The following PUDP variants were observed in gnomAD, a reference collection of about 807,000 sequenced individuals.
PUDP encodes pseudouridine-5'-phosphatase.
PUDP carries 8 observed loss-of-function variants against 9.4 expected under a neutral mutation model. That is an observed-to-expected ratio of 0.85 (90% CI 0.50 to 1.53). PUDP has a LOEUF of 1.53. PUDP is among the 40% of genes most tolerant of loss of function. PUDP has a pLI of 0.00. For missense variants in PUDP, 188 were observed against 189.7 expected (o/e 0.99, Z 0.05); for synonymous variants, 99 against 80.7 (o/e 1.23, Z -1.22).
intron 3 of PUDP, among the ~76,000 whole-genome samples, chrX:6,945,820 A>C: frequency 9.0e-6 from 1 of 111,586 alleles, no homozygotes; most frequent in Non-Finnish European, 1.9e-5. Flanking sequence ...TGAATATCGT[A>C]AACTAAAAAT....
In PUDP at chrX:6,948,431, C is replaced by T. The variant is rs190125182; in HGVS notation, c.*247+28702G>A. The stretch of plus-strand genomic sequence containing the variant: ...CTCTTTTGCTCGCTTCCCATTTTAT[C>T]AGTGGGGGCAACTGATATTTCATGT... On this transcript the variant is annotated intron_variant and NMD_transcript_variant, in intron 3 of 3. Coordinates refer to the PUDP transcript ENST00000655425. Among the ~76,000 whole-genome samples, 461 of 111,716 alleles carry T rather than the reference C, an allele frequency of 4.1e-3. 3 individuals carry two copies. The highest frequency in any genetic ancestry group is 5.9e-3 in the Non-Finnish European group (315 of 53,203).
At chrX:7,077,049 A>C (rs1490809890) in intron 3 of PUDP, among the ~76,000 whole-genome samples, 171 bp downstream of exon 3, 1 of 111,997 alleles carries the variant, frequency 8.9e-6, no homozygotes, top group African/African-American at 3.3e-5. Context: ...TTCCTCACAA[A>C]ATCTTCCAAC....
intron 3 of PUDP, among the ~76,000 whole-genome samples, chrX:6,751,890 G>A (rs1012922515): frequency 9.0e-6 from 1 of 110,985 alleles, no homozygotes; most frequent in African/African-American, 3.3e-5. Flanking sequence ...GAATTATGAG[G>A]CAGCATCACC....
At chrX:6,731,747 A>AG in intron 3 of PUDP, among the ~76,000 whole-genome samples, 1 of 74,951 alleles carries the variant, frequency 1.3e-5, no homozygotes, top group African/African-American at 6.2e-5. Flanking sequence ...GAGGGAAGGA[A>AG]GGAAGGGAGG....
At chrX:6,951,428 G>A (rs1157775824) in intron 3 of PUDP, among the ~76,000 whole-genome samples, 1 of 111,332 alleles carries the variant, frequency 9.0e-6, no homozygotes, top group Non-Finnish European at 1.9e-5. Context: ...TTACTCTAGG[G>A]ATCCTATGGC....
intron 1 of PUDP, among the ~76,000 whole-genome samples, chrX:7,135,637 T>G (rs773367298): frequency 4.4e-5 from 5 of 112,553 alleles, no homozygotes; most frequent in Admixed American, 1.9e-4. Flanking sequence ...TAAAGATGCA[T>G]GCTTTACATT....
At chrX:6,925,598 G>C (rs1027178982) in intron 3 of PUDP, among the ~76,000 whole-genome samples, 15 of 112,075 alleles carry the variant, frequency 1.3e-4, no homozygotes, top group African/African-American at 4.9e-4. Flanking sequence ...AACCCACGAA[G>C]CCTTCAGCAA....
chrX:6,864,137 G>C (rs1185322382), intron 3 of PUDP, among the ~76,000 whole-genome samples: 1 of 111,212 alleles, frequency 9.0e-6, no homozygotes. Context: ...TCGGTGAATA[G>C]GATTCAAGAT....
intron 1 of PUDP, among the ~76,000 whole-genome samples, chrX:6,984,599 G>C (rs1929080440): frequency 9.0e-6 from 1 of 111,487 alleles, no homozygotes; most frequent in African/African-American, 3.3e-5. Flanking sequence ...TGAATCAGGA[G>C]TCAAGTAATG....
intron 3 of PUDP, among the ~76,000 whole-genome samples, chrX:6,859,134 A>G (rs1926959965): frequency 9.0e-6 from 1 of 111,150 alleles, no homozygotes; most frequent in Non-Finnish European, 1.9e-5. Flanking sequence ...CTCCTTCCTC[A>G]CCTTCTGCCA....
intron 1 of PUDP, among the ~76,000 whole-genome samples, chrX:7,000,754 G>T (rs1048214087): frequency 9.2e-6 from 1 of 108,212 alleles, no homozygotes; most frequent in Non-Finnish European, 1.9e-5. Context: ...TTTTTTTACA[G>T]ATTCTTAGCA....
intron 1 of PUDP, among the ~76,000 whole-genome samples, chrX:7,127,824 G>A (rs903095886): frequency 2.7e-5 from 3 of 112,054 alleles, no homozygotes; most frequent in South Asian, 7.3e-4. Flanking sequence ...AAGAATTTTA[G>A]GTTCATCATT....
At chrX:6,874,565 C>G (rs1419435440) in intron 3 of PUDP, among the ~76,000 whole-genome samples, 1 of 111,958 alleles carries the variant, frequency 8.9e-6, no homozygotes. Context: ...AAAACTCAAA[C>G]TGGGAAACTA....
intron 1 of PUDP, among the ~76,000 whole-genome samples, chrX:6,980,976 T>C (rs1348029742): frequency 3.6e-5 from 4 of 111,350 alleles, no homozygotes; most frequent in Non-Finnish European, 7.5e-5. Flanking sequence ...TGGTGCTTTA[T>C]TTCCCACTAG....
At chrX:6,728,332 C>T (rs1277812438) in intron 3 of PUDP, among the ~76,000 whole-genome samples, 1 of 110,763 alleles carries the variant, frequency 9.0e-6, no homozygotes, top group African/African-American at 3.3e-5. Context: ...AGTCCAGCCT[C>T]GGCAACATAG....
intron 3 of PUDP, among the ~76,000 whole-genome samples, chrX:6,774,395 G>C (rs1015180329): frequency 1.8e-5 from 2 of 112,117 alleles, no homozygotes; most frequent in Non-Finnish European, 3.8e-5. Context: ...GAGAGATCCT[G>C]AAATATATGA....
chrX:6,756,629 T>C (rs909868916), intron 3 of PUDP, among the ~76,000 whole-genome samples: 2 of 112,579 alleles, frequency 1.8e-5, no homozygotes, highest in African/African-American at 6.5e-5. Flanking sequence ...ATTATTATTA[T>C]GACTCTAGAT....
At chrX:7,109,261 G>C (rs1471880190) in intron 1 of PUDP, among the ~76,000 whole-genome samples, 2 of 112,237 alleles carry the variant, frequency 1.8e-5, no homozygotes, top group Non-Finnish European at 3.8e-5. Context: ...GAGATGGACG[G>C]ATTGGCAGTG....
intron 1 of PUDP, among the ~76,000 whole-genome samples, chrX:6,719,717 T>C (rs953926804): frequency 4.5e-5 from 5 of 112,014 alleles, no homozygotes; most frequent in Admixed American, 1.9e-4. Flanking sequence ...GAGAAAGAAA[T>C]ATGCTTAGCA....
Sources: allele counts gnomAD v4.1 joint callset (sites outside exome capture counted in the v4.1 genomes callset), GRCh38; gene constraint gnomAD v4.1.1; transcripts MANE v1.5; gene names NCBI Gene and HGNC (gene_info 2026-07-23, HGNC 2026-07-21).